The following CTNNA2 variants were observed in gnomAD, a reference collection of about 807,000 sequenced individuals.
CTNNA2 encodes the protein catenin alpha 2.
A neutral mutation model predicts 101.0 loss-of-function variants in CTNNA2; 42 were observed. The observed-to-expected ratio is 0.42, with a 90% CI of 0.32 to 0.54. CTNNA2 has a LOEUF of 0.54. Among genes scored for constraint, CTNNA2 ranks in the 20% least tolerant of loss-of-function variants. The probability of loss-of-function intolerance (pLI) is 0.14; values close to 1 mark genes in which losing one functional copy is unlikely to be tolerated. For missense variants in CTNNA2, 871 were observed against 1,223.1 expected (o/e 0.71, Z 4.29); for synonymous variants, 450 against 456.4 (o/e 0.99, Z 0.18).
At position 79,370,172 on chromosome 2, in the gene CTNNA2, G is replaced by T. The variant is rs116351580; in HGVS notation, c.-317-3659G>T. Among the ~76,000 whole-genome samples the T allele has an allele frequency of 6.1e-3, 924 of 152,292 alleles. 5 individuals carry two copies. Among genetic ancestry groups the T allele is most frequent in the African/African-American group, 0.021 (874 of 41,574 alleles). ...CCACATTCTCTACACAGAGAGAAAG[G>T]ATTAGGCTCTCTGGTTTTGTTTGCT... On this transcript the variant is annotated intron_variant, in intron 3 of 21. Coordinates refer to the CTNNA2 transcript ENST00000466387.
chr2:80,046,954 T>C (rs1418283036), intron 7 of CTNNA2, among the ~76,000 whole-genome samples: 3 of 152,166 alleles, frequency 2.0e-5, no homozygotes, highest in Non-Finnish European at 4.4e-5. Flanking sequence ...TGGAATGTTA[T>C]CCTATGCATG....
chr2:79,981,573 C>A (rs1390492423), intron 7 of CTNNA2, among the ~76,000 whole-genome samples: 1 of 152,106 alleles, frequency 6.6e-6, no homozygotes, highest in Non-Finnish European at 1.5e-5. Flanking sequence ...ACTCCTAACT[C>A]TAACATGTAT....
intron 7 of CTNNA2, among the ~76,000 whole-genome samples, chr2:79,957,261 A>G (rs1391782742): frequency 1.3e-5 from 2 of 152,168 alleles, no homozygotes; most frequent in Non-Finnish European, 2.9e-5. Context: ...GTCATTATGC[A>G]TCTTGTCCCT....
chr2:80,434,669 G>A (rs1312913463), intron 9 of CTNNA2, among the ~76,000 whole-genome samples: 1 of 151,838 alleles, frequency 6.6e-6, no homozygotes, highest in African/African-American at 2.4e-5. Context: ...GTTTTGCCAT[G>A]ATGCCTAGGC....
chr2:80,358,335 G>A (rs1043382998), intron 7 of CTNNA2, among the ~76,000 whole-genome samples: 19 of 141,202 alleles, frequency 1.3e-4, no homozygotes, highest in African/African-American at 5.1e-4. Context: ...TACGTCAGTA[G>A]TATTCTACTT....
At chr2:79,220,205 T>C (rs1674324685) in intron 2 of CTNNA2, among the ~76,000 whole-genome samples, 3 of 152,206 alleles carry the variant, frequency 2.0e-5, no homozygotes, top group South Asian at 4.1e-4. Flanking sequence ...TGTGTGTATA[T>C]ATATGTAAAT....
intron 1 of CTNNA2, among the ~76,000 whole-genome samples, chr2:79,605,909 A>T (rs1594402): frequency 0.13 from 19,566 of 151,990 alleles, 2,041 homozygotes; most frequent in African/African-American, 0.29. Context: ...AGCCTGGGTG[A>T]CAGGGTGAGA....
intron 4 of CTNNA2, among the ~76,000 whole-genome samples, chr2:79,428,565 A>C (rs570579991): frequency 6.6e-6 from 1 of 152,204 alleles, no homozygotes; most frequent in South Asian, 2.1e-4. Flanking sequence ...GATACATTTG[A>C]GAAAGTACAA....
chr2:79,894,063 T>TTCTTCTTCC lies in CTNNA2; in HGVS notation c.853-15529_853-15528insTTCTTCCTC, dbSNP rs772035711. Among the ~76,000 whole-genome samples, 518 of 61,218 alleles carry TTCTTCTTCC rather than the reference T, an allele frequency of 8.5e-3. 23 individuals carry two copies. Among genetic ancestry groups the TTCTTCTTCC allele is most frequent in the East Asian group, 0.015 (35 of 2,270 alleles). 40.2% of individuals were successfully genotyped at this position (61,218 alleles called of 152,430 possible). A position where few individuals can be genotyped will look rare whatever the true frequency, so the allele number is the denominator to read the frequency against. On this transcript the variant is annotated intron_variant, in intron 6 of 18. Coordinates refer to ENST00000402739, the MANE Select transcript of CTNNA2 (RefSeq NM_001282597.3). Reference sequence around the variant, plus strand: ...CTTCTTCTTCTTCTTCTTCTTCTTCTTCCTCCTCCTCCTCCTCCTTCTTCT... The same window carrying TTCTTCTTCC: ...CTTCTTCTTCTTCTTCTTCTTCTTCTTCTTCTTCCTCCTCCTCCTCCTCCTCCTTCTTCT...
intron 2 of CTNNA2, among the ~76,000 whole-genome samples, chr2:79,276,658 A>C (rs903254195): frequency 2.0e-5 from 3 of 151,314 alleles, no homozygotes; most frequent in African/African-American, 4.9e-5. Context: ...ACTTTTATTT[A>C]TTTCTTTTCA....
chr2:79,197,741 TTTAC>T (rs1176464312), intron 1 of CTNNA2, among the ~76,000 whole-genome samples: 3 of 152,168 alleles, frequency 2.0e-5, no homozygotes, highest in Non-Finnish European at 4.4e-5. Context: ...TGCCGTGGGT[TTTAC>T]TTATGTGATC....
intron 7 of CTNNA2, among the ~76,000 whole-genome samples, chr2:80,269,143 G>T (rs1673247479): frequency 6.6e-6 from 1 of 152,236 alleles, no homozygotes; most frequent in Non-Finnish European, 1.5e-5. Flanking sequence ...GATATAGTTT[G>T]GCTGTGTTCC....
At chr2:80,365,667 T>A (rs1271953385) in intron 7 of CTNNA2, among the ~76,000 whole-genome samples, 1 of 152,030 alleles carries the variant, frequency 6.6e-6, no homozygotes, top group Non-Finnish European at 1.5e-5. Flanking sequence ...AAAAAAAAGA[T>A]GCTCTCTAAA....
intron 2 of CTNNA2, among the ~76,000 whole-genome samples, chr2:79,260,622 C>T (rs1674908612): frequency 6.6e-6 from 1 of 152,040 alleles, no homozygotes; most frequent in South Asian, 2.1e-4. Flanking sequence ...ATTCGTTATC[C>T]CCATAGACAC....
intron 15 of CTNNA2, among the ~76,000 whole-genome samples, chr2:80,594,106 C>A (rs1395009596): frequency 2.0e-5 from 3 of 152,126 alleles, no homozygotes; most frequent in African/African-American, 7.2e-5. Flanking sequence ...CACAAGTGTT[C>A]AAATTTTTCC....
At chr2:80,567,746 C>T (rs2149687799) in intron 12 of CTNNA2, among the ~76,000 whole-genome samples, 1 of 152,142 alleles carries the variant, frequency 6.6e-6, no homozygotes, top group African/African-American at 2.4e-5. Flanking sequence ...TACCGAATTC[C>T]AACTGTTACA....
intron 2 of CTNNA2, among the ~76,000 whole-genome samples, chr2:79,696,798 A>G (rs1045768431): frequency 2.0e-5 from 3 of 152,042 alleles, no homozygotes; most frequent in East Asian, 3.9e-4. Flanking sequence ...TACCTTGAGA[A>G]TCACTTGTTG....
At chr2:79,988,213 G>A (rs1272448598) in intron 7 of CTNNA2, among the ~76,000 whole-genome samples, 4 of 152,132 alleles carry the variant, frequency 2.6e-5, no homozygotes, top group Non-Finnish European at 5.9e-5. Flanking sequence ...TACCAGCTAC[G>A]CAGTTTCCTC....
In CTNNA2 at chr2:80,603,292, T is replaced by A. The variant is rs114693231; in HGVS notation, c.2190-782T>A. Among the ~76,000 whole-genome samples the A allele has an allele frequency of 4.8e-3, 725 of 152,260 alleles. 2 individuals carry two copies. Among genetic ancestry groups the A allele is most frequent in the African/African-American group, 0.017 (688 of 41,574 alleles). On this transcript the variant is annotated intron_variant, in intron 15 of 18. Transcript: ENST00000402739. ...TGCAGCATAATTTCCATTTCCCTTA[T>A]AATAAATATTTAAAAGACATATAAT...
Sources: allele counts gnomAD v4.1 joint callset (sites outside exome capture counted in the v4.1 genomes callset), GRCh38; gene constraint gnomAD v4.1.1; transcripts MANE v1.5; gene names NCBI Gene and HGNC (gene_info 2026-07-23, HGNC 2026-07-21).